The following CNBD1 variants were observed in gnomAD, a reference collection of about 807,000 sequenced individuals.
CNBD1 encodes cyclic nucleotide-binding domain-containing protein 1.
CNBD1 carries 71 observed loss-of-function variants against 54.4 expected under a neutral mutation model. That is an observed-to-expected ratio of 1.30 (90% CI 1.08 to 1.59). CNBD1 has a LOEUF of 1.59. Among genes scored for constraint, CNBD1 ranks in the 40% most tolerant of loss-of-function variants. CNBD1 has a pLI of 0.00. For missense variants in CNBD1, 659 were observed against 518.0 expected (o/e 1.27, Z -2.64); for synonymous variants, 182 against 170.7 (o/e 1.07, Z -0.51).
At chr8:87,372,004 A>T (rs1163113884) in intron 10 of CNBD1, among the ~76,000 whole-genome samples, 2 of 151,918 alleles carry the variant, frequency 1.3e-5, no homozygotes, top group East Asian at 1.9e-4. Context: ...TAGGCAGGAG[A>T]AGGAAATAAA....
intron 4 of CNBD1, among the ~76,000 whole-genome samples, chr8:87,060,879 T>C (rs556369223): frequency 1.3e-5 from 2 of 152,206 alleles, no homozygotes; most frequent in South Asian, 2.1e-4. Context: ...CTAGTAATTG[T>C]TATATTGTAG....
Position 87,352,010 on chromosome 8 carries a change from T to C in CNBD1, c.1152+216T>C, listed in dbSNP as rs571250278. The stretch of plus-strand genomic sequence containing the variant: ...ATTTGTAAGATATACAAATGATCAA[T>C]GAACACAGTAAAATATGCTTCACGT... On this transcript the variant is annotated intron_variant, in intron 9 of 10. Coordinates refer to ENST00000518476, the MANE Select transcript of CNBD1 (RefSeq NM_173538.3). Among the ~76,000 whole-genome samples, 591 of 152,282 alleles carry C rather than the reference T, an allele frequency of 3.9e-3. 8 individuals are homozygous for C. The highest frequency in any genetic ancestry group is 0.013 in the African/African-American group (557 of 41,568).
downstream of CNBD1, among the ~76,000 whole-genome samples, chr8:87,385,078 G>C (rs986164524): frequency 3.9e-5 from 6 of 152,138 alleles, no homozygotes; most frequent in Admixed American, 3.9e-4. Flanking sequence ...GGGGGACAAG[G>C]ACTGAAGTGA....
At chr8:87,248,948 G>A (rs541107938) in intron 6 of CNBD1, among the ~76,000 whole-genome samples, 10 of 152,228 alleles carry the variant, frequency 6.6e-5, no homozygotes, top group East Asian at 5.8e-4. Context: ...CTGACTTAAA[G>A]CCTGCCACCA....
At chr8:86,997,900 T>A (rs1003612791) in intron 4 of CNBD1, among the ~76,000 whole-genome samples, 1 of 152,202 alleles carries the variant, frequency 6.6e-6, no homozygotes, top group African/African-American at 2.4e-5. Flanking sequence ...TCCCACTATG[T>A]GCAGCTCAGA....
At chr8:87,008,118 C>G (rs893682506) in intron 4 of CNBD1, among the ~76,000 whole-genome samples, 3 of 152,174 alleles carry the variant, frequency 2.0e-5, no homozygotes. Context: ...AGATATTTCT[C>G]TTACCAAATA....
chr8:86,903,420 C>T (rs966444873), intron 2 of CNBD1, among the ~76,000 whole-genome samples: 5 of 152,094 alleles, frequency 3.3e-5, no homozygotes, highest in Non-Finnish European at 2.9e-5. Context: ...TATGTCTACA[C>T]TTTTGTACTT....
rs560540063 is a variant in CNBD1, at chr8:87,389,689, T to C, written c.213+35903T>C. Among the ~76,000 whole-genome samples, 5 of 152,282 alleles carry C rather than the reference T, an allele frequency of 3.3e-5. No homozygotes were observed. The South Asian group carries it at 6.2e-4, about 19-fold the overall frequency. On this transcript the variant is annotated intron_variant, in intron 2 of 7. Transcript: ENST00000521593. ...TGGCCATACTGCCCAAGGTAATTTA[T>C]AGATTCAATGCCATCCCCATCAAGA...
chr8:87,386,363 GA>G (rs896100426), downstream of CNBD1, among the ~76,000 whole-genome samples: 15 of 150,956 alleles, frequency 9.9e-5, no homozygotes, highest in East Asian at 2.2e-3. Context: ...TAAAAACCTT[GA>G]AAAAAAAATT....
intron 4 of CNBD1, among the ~76,000 whole-genome samples, chr8:87,179,709 A>T (rs1260123648): frequency 6.6e-6 from 1 of 152,200 alleles, no homozygotes; most frequent in Non-Finnish European, 1.5e-5. Flanking sequence ...GTCCTTTTAC[A>T]CTGAAGGTGC....
chr8:87,291,622 A>G (rs1808787264), intron 8 of CNBD1, among the ~76,000 whole-genome samples: 1 of 151,912 alleles, frequency 6.6e-6, no homozygotes, highest in Admixed American at 6.6e-5. Context: ...CTCCTGTCCT[A>G]TCTTATTTTG....
At chr8:87,140,495 T>A (rs1388803844) in intron 4 of CNBD1, among the ~76,000 whole-genome samples, 1 of 152,132 alleles carries the variant, frequency 6.6e-6, no homozygotes, top group Non-Finnish European at 1.5e-5. Flanking sequence ...AGATGACTTC[T>A]AAAAAACAGT....
intron 10 of CNBD1, among the ~76,000 whole-genome samples, chr8:87,356,652 G>A (rs1810425639): frequency 2.0e-5 from 3 of 152,148 alleles, no homozygotes; most frequent in Admixed American, 6.6e-5. Context: ...TAATTAAAAA[G>A]GAAGCAGAGC....
chr8:87,206,082 A>T lies in CNBD1; in HGVS notation c.521A>T (p.His174Leu). The T allele has an allele frequency of 1.9e-6, 3 of 1,606,948 alleles. No individual in the cohort carries two copies. Among genetic ancestry groups the T allele is most frequent in the Non-Finnish European group, 2.5e-6 (3 of 1,176,630 alleles). The change falls in exon 5 of 11, where the codon CAT becomes CTT. Residue 174 changes from histidine to leucine, a missense_variant. Coordinates refer to ENST00000518476, the MANE Select transcript of CNBD1 (RefSeq NM_173538.3). ...PDLTFQLNDK[H>L]LKTLSKTVFS... ...TTAACCTTTCAGCTAAATGATAAGC[A>T]TCTGAAAACACTTAGTAAGACTGTC...
chr8:87,340,393 T>A (rs1012376973), intron 8 of CNBD1, among the ~76,000 whole-genome samples: 2 of 152,202 alleles, frequency 1.3e-5, no homozygotes, highest in Non-Finnish European at 2.9e-5. Flanking sequence ...TCTTTTGATT[T>A]ATTTTATTTG....
chr8:87,096,164 A>G (rs1811315805), intron 4 of CNBD1, among the ~76,000 whole-genome samples: 1 of 152,158 alleles, frequency 6.6e-6, no homozygotes, highest in African/African-American at 2.4e-5. Context: ...TGCCACAACA[A>G]ATACCATAGA....
chr8:87,293,274 G>C (rs1277744202), intron 8 of CNBD1, among the ~76,000 whole-genome samples: 1 of 152,110 alleles, frequency 6.6e-6, no homozygotes, highest in African/African-American at 2.4e-5. Context: ...GCCGGACACA[G>C]TGGCTCACAC....
chr8:87,218,346 A>G (rs1210145066), intron 5 of CNBD1, among the ~76,000 whole-genome samples: 1 of 152,076 alleles, frequency 6.6e-6, no homozygotes, highest in Non-Finnish European at 1.5e-5. Flanking sequence ...CAAAATATTT[A>G]TTGCTAGATG....
At chr8:87,413,757 A>AT (rs1807789674) in intron 2 of CNBD1, among the ~76,000 whole-genome samples, 1 of 150,772 alleles carries the variant, frequency 6.6e-6, no homozygotes, top group Non-Finnish European at 1.5e-5. Flanking sequence ...TGCAGCCAAA[A>AT]AACACATGAA....
Sources: allele counts gnomAD v4.1 joint callset (sites outside exome capture counted in the v4.1 genomes callset), GRCh38; gene constraint gnomAD v4.1.1; transcripts MANE v1.5; gene names NCBI Gene and HGNC (gene_info 2026-07-23, HGNC 2026-07-21).